NPAT: variants seen among roughly 807,000 people sequenced by gnomAD.
NPAT encodes protein NPAT.
NPAT carries 52 observed loss-of-function variants against 130.7 expected under a neutral mutation model. That is an observed-to-expected ratio of 0.40 (90% CI 0.32 to 0.50). The LOEUF is 0.50. Ranked by LOEUF, NPAT falls within the 20% of genes least tolerant of loss-of-function variation. The pLI is 0.68. For synonymous variants in NPAT, 580 were observed against 584.8 expected (o/e 0.99, Z 0.12); for missense variants, 1,687 against 1,662.6 (o/e 1.01, Z -0.26).
chr11:108,160,784 G>A (rs868785773), intron 17 of NPAT, 96 bp downstream of exon 17: 7 of 1,076,218 alleles, frequency 6.5e-6, no homozygotes, highest in South Asian at 5.4e-5. Context: ...TAGCCATAAC[G>A]TTCAGTCAAG....
At chr11:108,210,376 A>C (rs1262698631) in intron 1 of NPAT, among the ~76,000 whole-genome samples, 1 of 152,140 alleles carries the variant, frequency 6.6e-6, no homozygotes, top group Non-Finnish European at 1.5e-5. Flanking sequence ...TCCTTGAGAT[A>C]GTCAGTTCTC....
chr11:108,200,165 C>A (rs560906774), intron 1 of NPAT, among the ~76,000 whole-genome samples: 22 of 152,268 alleles, frequency 1.4e-4, no homozygotes, highest in Non-Finnish European at 3.1e-4. Flanking sequence ...TTTCCGCCCC[C>A]GCAATCATGT....
chr11:108,180,949 C>T (rs1464204791), intron 10 of NPAT, among the ~76,000 whole-genome samples: 5 of 152,106 alleles, frequency 3.3e-5, no homozygotes, highest in Non-Finnish European at 5.9e-5. Flanking sequence ...AAAGTAAATG[C>T]TGTATGATTC....
At chr11:108,190,312 CAAAAAAAA>C (rs71047681) in intron 5 of NPAT, 140 bp downstream of exon 5, 421 of 342,022 alleles carry the variant, frequency 1.2e-3, no homozygotes, top group East Asian at 2.5e-3. Context: ...GACACTGTCT[CAAAAAAAA>C]AAAAAAAAAA....
At chr11:108,219,732 A>AAAC (rs145766814) in intron 1 of NPAT, among the ~76,000 whole-genome samples, 5,016 of 151,358 alleles carry the variant, frequency 0.033, 235 homozygotes, top group African/African-American at 0.11. Context: ...CATTAAAAAC[A>AAAC]AACAACAACA....
chr11:108,172,636 T>A lies in NPAT; in HGVS notation c.2348A>T (p.Asn783Ile), dbSNP rs1476658246. The change falls in exon 13 of 18, where the codon AAT (asparagine) becomes ATT (isoleucine). Residue 783 changes from asparagine (N) to isoleucine (I), a missense_variant. By Grantham distance (149) the Asn-to-Ile change is moderately radical. Transcript: ENST00000278612. Reference sequence around the variant, plus strand: ...AGATAGGCATTTAACTAGTTCTGCATTTTTAGTAGGTGATTTAGTAGGAGA... The same window carrying A: ...AGATAGGCATTTAACTAGTTCTGCAATTTTAGTAGGTGATTTAGTAGGAGA... The part of the protein sequence containing the change: ...LSSPTKSPTK[N>I]AELVKCLSSE... The A allele has an allele frequency of 6.2e-7, 1 of 1,614,176 alleles. No homozygotes were observed. The highest frequency in any genetic ancestry group is 2.2e-5 in the East Asian group (1 of 44,882).
At chr11:108,193,025 TAC>T in intron 3 of NPAT, among the ~76,000 whole-genome samples, 1 of 152,340 alleles carries the variant, frequency 6.6e-6, no homozygotes, top group South Asian at 2.1e-4. Flanking sequence ...ACAATGCTTA[TAC>T]ACAGACAATG....
intron 1 of NPAT, among the ~76,000 whole-genome samples, chr11:108,214,771 TAC>T (rs1285259889): frequency 1.3e-5 from 2 of 152,036 alleles, no homozygotes; most frequent in African/African-American, 4.8e-5. Flanking sequence ...TAGCTGGGAT[TAC>T]AGACGCCTGC....
At chr11:108,187,442 G>A (rs1204180816) in intron 7 of NPAT, among the ~76,000 whole-genome samples, 3 of 152,050 alleles carry the variant, frequency 2.0e-5, no homozygotes, top group Non-Finnish European at 1.5e-5. Context: ...AGACAGCAAG[G>A]CCCTATCTCT....
intron 12 of NPAT, among the ~76,000 whole-genome samples, chr11:108,174,693 C>T (rs2077987762): frequency 6.6e-6 from 1 of 150,398 alleles, no homozygotes; most frequent in South Asian, 2.1e-4. Context: ...CAGCTCACTG[C>T]AGCCTCTGCC....
At chr11:108,170,586 C>T (rs1317560944) in intron 13 of NPAT, among the ~76,000 whole-genome samples, 1 of 152,138 alleles carries the variant, frequency 6.6e-6, no homozygotes, top group Non-Finnish European at 1.5e-5. Flanking sequence ...CTACATGGTC[C>T]TCAGAAGTCA....
intron 7 of NPAT, among the ~76,000 whole-genome samples, chr11:108,187,503 G>A (rs1194052942): frequency 6.6e-6 from 1 of 152,146 alleles, no homozygotes; most frequent in Non-Finnish European, 1.5e-5. Context: ...GGTGAAGTGA[G>A]AAAGGCTCCA....
intron 15 of NPAT, among the ~76,000 whole-genome samples, chr11:108,165,467 TATATA>T (rs2077892877): frequency 9.7e-6 from 1 of 103,592 alleles, no homozygotes; most frequent in African/African-American, 4.4e-5. Flanking sequence ...TATATATATA[TATATA>T]TTTTTTTTTT....
In NPAT at chr11:108,181,662, GTGCTTGTTGTTCATTT is replaced by G. The variant is rs1386192199; in HGVS notation, c.906+3554_906+3569del. ...GCACTTCTTTCACCAGTACCACAAT[GTGCTTGTTGTTCATTT>G]TCCTTTATATCACACTAATTTTGCA... On this transcript the variant is annotated intron_variant, in intron 10 of 17. Transcript: ENST00000278612. Among the ~76,000 whole-genome samples, 62 of 151,900 alleles carry G rather than the reference GTGCTTGTTGTTCATTT, an allele frequency of 4.1e-4. 2 individuals are homozygous for G. The South Asian group carries it at 0.013, about 31-fold the overall frequency.
intron 13 of NPAT, 157 bp from the exon 14 acceptor site, chr11:108,170,200 A>C: frequency 2.1e-5 from 12 of 583,816 alleles, no homozygotes; most frequent in East Asian, 9.3e-5. Flanking sequence ...ACAAAACAAA[A>C]CAAAAAAAAC....
intron 13 of NPAT, among the ~76,000 whole-genome samples, chr11:108,170,664 G>C (rs2077942149): frequency 6.6e-6 from 1 of 152,158 alleles, no homozygotes; most frequent in Non-Finnish European, 1.5e-5. Flanking sequence ...ATACACTACT[G>C]TCAGGTTGAT....
rs1565305321 is a variant in NPAT, at chr11:108,161,556, CT to C, written c.3529del (p.Arg1177AspfsTer25). On this transcript the variant is annotated frameshift_variant, in exon 17 of 18. Transcript: ENST00000278612. LOFTEE classifies it high-confidence loss of function. ...KENELCSDVE[R>X]QKNPENSKLS... The stretch of plus-strand genomic sequence containing the variant: ...TTTTGAATTTTCTGGATTTTTCTGT[CT>C]TTCTACATCGCTGCATAATTCATTC... 1.2e-6 allele frequency: 2 copies of C among 1,614,044 alleles called. No homozygotes were observed. The highest frequency in any genetic ancestry group is 1.7e-6 in the Non-Finnish European group (2 of 1,180,016).
Position 108,193,914 on chromosome 11 carries a change from T to C in NPAT, c.217+43A>G, listed in dbSNP as rs989780885. On this transcript the variant is annotated intron_variant, in intron 3 of 17. Transcript: ENST00000278612. ...TTTTTAACTAAATCAAGTAGATAAA[T>C]ATTGTATACATCAGCAAAAAAACTC... is the stretch of plus-strand genomic sequence containing the variant. 6 of 1,119,280 alleles carry C rather than the reference T, an allele frequency of 5.4e-6. No individual in the cohort carries two copies. The African/African-American group carries it at 6.1e-5, about 11-fold the overall frequency. The allele number at this position is 1,119,280 out of a possible 1,614,324, so 69.3% of individuals were successfully genotyped here.
At chr11:108,184,451 G>T (rs563466069) in intron 10 of NPAT, among the ~76,000 whole-genome samples, 1 of 143,818 alleles carries the variant, frequency 7.0e-6, no homozygotes, top group Non-Finnish European at 1.5e-5. Flanking sequence ...CAGCCTGGGC[G>T]ACAAAGTGAG....
Sources: allele counts gnomAD v4.1 joint callset (sites outside exome capture counted in the v4.1 genomes callset), GRCh38; gene constraint gnomAD v4.1.1; transcripts MANE v1.5; gene names NCBI Gene and HGNC (gene_info 2026-07-23, HGNC 2026-07-21).